Variants in TRPC1 observed in about 807,000 individuals in gnomAD.
TRPC1 encodes the protein transient receptor potential cation channel subfamily C member 1, also known as short transient receptor potential channel 1.
In TRPC1, 42 loss-of-function variants were observed where a neutral mutation model predicts 88.2. That is an observed-to-expected ratio of 0.48 (90% CI 0.37 to 0.62). The LOEUF is 0.62. Ranked by LOEUF, TRPC1 falls within the 20% of genes least tolerant of loss-of-function variation. The pLI is 0.00. For synonymous variants in TRPC1, 288 were observed against 331.8 expected (o/e 0.87, Z 1.43); for missense variants, 699 against 957.3 (o/e 0.73, Z 3.56).
chr3:142,776,731 C>T lies in TRPC1; in HGVS notation c.633-901C>T, dbSNP rs1040488880. Among the ~76,000 whole-genome samples the T allele has an allele frequency of 1.3e-5, 2 of 151,528 alleles. No individual in the cohort carries two copies. Among genetic ancestry groups the T allele is most frequent in the African/African-American group, 4.8e-5 (2 of 41,242 alleles). ...GATCCTGGCCAACATGGTGAAACCCCGTCTCTACTAAAAATACAAAAATTA... is the reference window on the plus strand; with the variant it reads ...GATCCTGGCCAACATGGTGAAACCCTGTCTCTACTAAAAATACAAAAATTA... On this transcript the variant is annotated intron_variant, in intron 4 of 12. Transcript: ENST00000476941. This position sits in a 1 kb window ranked among gnomAD's most constrained non-coding sequence, Gnocchi z 4.1.
At chr3:142,779,692 G>T (rs1394172313) in intron 5 of TRPC1, among the ~76,000 whole-genome samples, 1 of 152,002 alleles carries the variant, frequency 6.6e-6, no homozygotes, top group African/African-American at 2.4e-5. Flanking sequence ...TATATAGAAA[G>T]ACTAACCAGT....
At chr3:142,736,841 A>G (rs1434002087) in intron 2 of TRPC1, among the ~76,000 whole-genome samples, 1 of 152,110 alleles carries the variant, frequency 6.6e-6, no homozygotes, top group Non-Finnish European at 1.5e-5. Context: ...ACCTATGTTA[A>G]CACTATTTAT....
rs766526012 is a variant in TRPC1 at position 142,748,306 on chromosome 3, G to T, written c.478G>T (p.Val160Phe). 2 of 1,613,946 alleles carry T rather than the reference G, an allele frequency of 1.2e-6. No individual in the cohort carries two copies. Among genetic ancestry groups the T allele is most frequent in the Middle Eastern group, 1.6e-4 (1 of 6,084 alleles). The change falls in exon 4 of 13, where the codon GTT becomes TTT. Residue 160 changes from valine to phenylalanine, a missense_variant. By Grantham distance (50) the Val-to-Phe change is conservative (BLOSUM62 -1). Around this residue, in one of 4 missense-constraint regions of TRPC1, gnomAD observed 426 missense variants for 641.3 expected, o/e 0.66. Coordinates refer to ENST00000476941, the MANE Select transcript of TRPC1 (RefSeq NM_001251845.2). ...TCCTGAGTATTCAACAACTATGGAT[G>T]TTGCACCTGTCATTTTAGCTGCTCA... ...QNPEYSTTMD[V>F]APVILAAHRN...
chr3:142,737,807 G>A (rs770436800), intron 2 of TRPC1, among the ~76,000 whole-genome samples: 2 of 152,144 alleles, frequency 1.3e-5, no homozygotes, highest in African/African-American at 4.8e-5. Flanking sequence ...ATTATATTCA[G>A]TACCTATTGT....
At chr3:142,743,153 C>T (rs1319374241) in intron 2 of TRPC1, among the ~76,000 whole-genome samples, 1 of 151,356 alleles carries the variant, frequency 6.6e-6, no homozygotes, top group Non-Finnish European at 1.5e-5. Flanking sequence ...TTTTGGTCCA[C>T]AGTTCAAGAG....
chr3:142,788,381 A>G (rs529457882), intron 7 of TRPC1, among the ~76,000 whole-genome samples: 1 of 152,252 alleles, frequency 6.6e-6, no homozygotes, highest in South Asian at 2.1e-4. Context: ...AGGACATCGA[A>G]ATACATAGTA....
At chr3:142,739,601 G>A (rs1277851396) in intron 2 of TRPC1, among the ~76,000 whole-genome samples, 1 of 152,126 alleles carries the variant, frequency 6.6e-6, no homozygotes, top group Non-Finnish European at 1.5e-5. Context: ...GATACAAAGG[G>A]CCTTGAATGC....
intron 1 of TRPC1, among the ~76,000 whole-genome samples, chr3:142,731,233 C>T (rs976282518): frequency 1.3e-5 from 2 of 151,896 alleles, no homozygotes; most frequent in Non-Finnish European, 1.5e-5. Flanking sequence ...TTGGCTGAGC[C>T]GCAGAGAGGC....
In TRPC1 at chr3:142,724,571, C is replaced by G; in HGVS notation, c.12C>G (p.Ala4=). Residue 4 remains alanine, a synonymous_variant, in exon 1 of 13, where the codon GCC becomes GCG. Coordinates refer to ENST00000476941, the MANE Select transcript of TRPC1 (RefSeq NM_001251845.2). This position sits in a 1 kb window ranked among gnomAD's most constrained non-coding sequence, Gnocchi z 5.6. ...CTTCATGGGCCGCGATGATGGCGGCCCTGTACCCGAGCACGGACCTCTCGG... is the reference window on the plus strand; with the variant it reads ...CTTCATGGGCCGCGATGATGGCGGCGCTGTACCCGAGCACGGACCTCTCGG... MMA[A]LYPSTDLSGA... 4 of 1,581,222 alleles carry G rather than the reference C, an allele frequency of 2.5e-6. No individual in the cohort carries two copies. The highest frequency in any genetic ancestry group is 3.4e-6 in the Non-Finnish European group (4 of 1,165,564).
intron 4 of TRPC1, among the ~76,000 whole-genome samples, chr3:142,754,707 C>T (rs1934897634): frequency 2.0e-5 from 3 of 152,200 alleles, no homozygotes; most frequent in East Asian, 3.9e-4. Flanking sequence ...AAACTTGGCT[C>T]AGTATCTACC....
intron 7 of TRPC1, among the ~76,000 whole-genome samples, chr3:142,790,304 G>A (rs549439277): frequency 6.6e-6 from 1 of 152,190 alleles, no homozygotes; most frequent in South Asian, 2.1e-4. Flanking sequence ...GAGAGGATAG[G>A]TAATTTGGAG....
At chr3:142,745,556 A>G (rs1934513453) in intron 3 of TRPC1, among the ~76,000 whole-genome samples, 1 of 152,080 alleles carries the variant, frequency 6.6e-6, no homozygotes, top group African/African-American at 2.4e-5. Context: ...AGGCAGGAGA[A>G]TTGCTTGAGC....
chr3:142,796,431 A>C (rs1336091141), intron 9 of TRPC1, among the ~76,000 whole-genome samples: 1 of 152,120 alleles, frequency 6.6e-6, no homozygotes, highest in East Asian at 1.9e-4. Flanking sequence ...CAGAAAGAAC[A>C]ACCCATGGCC....
rs1478729588 is a variant in TRPC1, at chr3:142,807,064, T to G, written c.*829T>G. On this transcript the variant is annotated 3_prime_UTR_variant, in exon 13 of 13. Coordinates refer to ENST00000476941, the MANE Select transcript of TRPC1 (RefSeq NM_001251845.2). ...TCTCGACATTTGGTTTGTTTTAATT[T>G]TTTTGTATCATAATAGTCCTATTTT... The G allele has an allele frequency of 1.3e-5, 2 of 152,156 alleles. No homozygotes were observed. The highest frequency in any genetic ancestry group is 4.8e-5 in the African/African-American group (2 of 41,452). The allele number at this position is 152,156 out of a possible 1,614,324, so 9.4% of individuals were successfully genotyped here.
intron 4 of TRPC1, among the ~76,000 whole-genome samples, chr3:142,757,598 TAAG>T (rs1471751786): frequency 1.4e-5 from 2 of 137,938 alleles, no homozygotes; most frequent in Non-Finnish European, 1.5e-5. Flanking sequence ...AGTTGAACAA[TAAG>T]AACACATGGA....
chr3:142,777,809 C>A, intron 5 of TRPC1, 46 bp downstream of exon 5: 1 of 1,552,964 alleles, frequency 6.4e-7, no homozygotes, highest in Admixed American at 1.8e-5. Flanking sequence ...TTTAAATCTT[C>A]AACCTCAGTT....
Position 142,724,813 on chromosome 3 carries a change from G to T in TRPC1, c.172+82G>T. The T allele has an allele frequency of 7.0e-7, 1 of 1,419,808 alleles. No individual in the cohort carries two copies. Among genetic ancestry groups the T allele is most frequent in the Non-Finnish European group, 9.3e-7 (1 of 1,077,318 alleles). 88.0% of individuals were successfully genotyped at this position (1,419,808 alleles called of 1,614,324 possible). A position where few individuals can be genotyped will look rare whatever the true frequency, so the allele number is the denominator to read the frequency against. On this transcript the variant is annotated intron_variant, in intron 1 of 12. Coordinates refer to ENST00000476941, the MANE Select transcript of TRPC1 (RefSeq NM_001251845.2). This position sits in a 1 kb window ranked among gnomAD's most constrained non-coding sequence, Gnocchi z 5.6. ...TCTCCCCCGCCTCAACTTATATCGG[G>T]GCATTCCCTCTGTCTCAGGCGCCGA... is the stretch of plus-strand genomic sequence containing the variant.
chr3:142,747,632 G>C (rs772057197), intron 3 of TRPC1, among the ~76,000 whole-genome samples: 5 of 152,086 alleles, frequency 3.3e-5, no homozygotes, highest in Non-Finnish European at 5.9e-5. Context: ...TAAATGAGAT[G>C]ATAAATGTAA....
chr3:142,727,513 G>A (rs1459176689), intron 1 of TRPC1, among the ~76,000 whole-genome samples: 5 of 152,168 alleles, frequency 3.3e-5, no homozygotes, highest in Non-Finnish European at 5.9e-5. Context: ...AGTAAGTTCG[G>A]TAGATTTAGG....
Sources: allele counts gnomAD v4.1 joint callset (sites outside exome capture counted in the v4.1 genomes callset), GRCh38; gene constraint gnomAD v4.1.1; regional missense constraint gnomAD v4.1.1; non-coding constraint Gnocchi (gnomAD v3.1); transcripts MANE v1.5; gene names NCBI Gene and HGNC (gene_info 2026-07-23, HGNC 2026-07-21).